Variants in MSI2 observed in about 807,000 individuals in gnomAD.
MSI2 encodes the protein RNA-binding protein Musashi homolog 2.
A neutral mutation model predicts 45.6 loss-of-function variants in MSI2; 17 were observed. The observed-to-expected ratio is 0.37, with a 90% CI of 0.26 to 0.56. MSI2 has a LOEUF of 0.56. MSI2 is among the 20% of genes least tolerant of loss of function. The probability of loss-of-function intolerance (pLI) is 0.77; values close to 1 mark genes in which losing one functional copy is unlikely to be tolerated. For missense variants in MSI2, 293 were observed against 444.2 expected (o/e 0.66, Z 3.06); for synonymous variants, 156 against 158.2 (o/e 0.99, Z 0.11).
At chr17:57,541,414 A>G (rs753361117) in intron 7 of MSI2, among the ~76,000 whole-genome samples, 1 of 152,204 alleles carries the variant, frequency 6.6e-6, no homozygotes, top group Non-Finnish European at 1.5e-5. Flanking sequence ...AGGAGAGCTC[A>G]TGTGTATGAC....
At chr17:57,657,493 G>A (rs1028789366) in intron 11 of MSI2, among the ~76,000 whole-genome samples, 1 of 152,218 alleles carries the variant, frequency 6.6e-6, no homozygotes, top group African/African-American at 2.4e-5. Flanking sequence ...GGTTCTGCTA[G>A]GAAAATGGCT....
chr17:57,541,913 C>T (rs537057754), intron 7 of MSI2, among the ~76,000 whole-genome samples: 7 of 152,268 alleles, frequency 4.6e-5, no homozygotes, highest in African/African-American at 1.4e-4. Context: ...AGCGTTGGTG[C>T]CTGCGTTCTA....
chr17:57,646,768 G>A (rs554550625), intron 10 of MSI2, among the ~76,000 whole-genome samples: 71 of 152,288 alleles, frequency 4.7e-4, no homozygotes, highest in Admixed American at 1.1e-3. Context: ...CCCACAAGCC[G>A]TGGCCCCTGT....
chr17:57,653,511 G>A (rs533533255), intron 11 of MSI2, among the ~76,000 whole-genome samples: 64 of 152,300 alleles, frequency 4.2e-4, no homozygotes, highest in African/African-American at 1.2e-3. Flanking sequence ...GGGGCGGGGT[G>A]CACAGCTGCC....
chr17:57,519,236 C>T (rs1331956106), intron 6 of MSI2, among the ~76,000 whole-genome samples: 1 of 152,202 alleles, frequency 6.6e-6, no homozygotes, highest in African/African-American at 2.4e-5. Context: ...GTGTGGCTCC[C>T]GGCTTAACTG....
At chr17:57,594,296 A>G (rs1462864414) in intron 7 of MSI2, among the ~76,000 whole-genome samples, 2 of 152,110 alleles carry the variant, frequency 1.3e-5, no homozygotes, top group African/African-American at 2.4e-5. Flanking sequence ...GGGGCCAGTT[A>G]GGATCTGGGC....
chr17:57,447,914 C>G (rs533050919), intron 6 of MSI2, among the ~76,000 whole-genome samples: 184 of 152,322 alleles, frequency 1.2e-3, no homozygotes, highest in Non-Finnish European at 2.2e-3. Flanking sequence ...TTCTTGATAT[C>G]TGTGGAAGCC....
intron 6 of MSI2, among the ~76,000 whole-genome samples, chr17:57,484,005 G>A (rs374603272): frequency 4.6e-5 from 7 of 152,322 alleles, no homozygotes; most frequent in East Asian, 3.9e-4. Context: ...GTTTGGAACC[G>A]AGAGCTGGTT....
At chr17:57,374,032 A>T (rs928671560) in intron 5 of MSI2, among the ~76,000 whole-genome samples, 2 of 152,156 alleles carry the variant, frequency 1.3e-5, no homozygotes, top group African/African-American at 4.8e-5. Flanking sequence ...AACAGATCAA[A>T]TGATAAGAAA....
chr17:57,699,894 T>C, the MSI2 span, among the ~76,000 whole-genome samples: 1 of 152,304 alleles, frequency 6.6e-6, no homozygotes, highest in South Asian at 2.1e-4. Context: ...GACACATCAG[T>C]GGGCACTCTC....
At chr17:57,467,036 C>G (rs2085342661) in intron 6 of MSI2, among the ~76,000 whole-genome samples, 1 of 152,194 alleles carries the variant, frequency 6.6e-6, no homozygotes, top group South Asian at 2.1e-4. Flanking sequence ...TATGTGGAGT[C>G]ACTGTGTATC....
intron 5 of MSI2, among the ~76,000 whole-genome samples, chr17:57,289,953 C>A (rs970451796): frequency 6.6e-6 from 1 of 152,228 alleles, no homozygotes; most frequent in Non-Finnish European, 1.5e-5. Context: ...GAAGCGGAGC[C>A]CATGATGTCT....
chr17:57,339,324 C>T (rs577153186), intron 5 of MSI2, among the ~76,000 whole-genome samples: 8 of 152,184 alleles, frequency 5.3e-5, no homozygotes, highest in African/African-American at 9.7e-5. Context: ...AAAGCCAACT[C>T]GGTTTCCAAG....
chr17:57,591,537 A>C (rs1219418481), intron 7 of MSI2, among the ~76,000 whole-genome samples: 2 of 151,866 alleles, frequency 1.3e-5, no homozygotes, highest in African/African-American at 4.8e-5. Context: ...CAGCCTGGGT[A>C]ACATGGTGAA....
At chr17:57,281,994 T>C (rs1344770055) in intron 5 of MSI2, among the ~76,000 whole-genome samples, 3 of 152,218 alleles carry the variant, frequency 2.0e-5, no homozygotes, top group African/African-American at 7.2e-5. Context: ...TGGCTGAGGA[T>C]GTCAACATTT....
chr17:57,372,661 A>T (rs1218599796), intron 5 of MSI2, among the ~76,000 whole-genome samples: 1 of 152,214 alleles, frequency 6.6e-6, no homozygotes, highest in Non-Finnish European at 1.5e-5. Flanking sequence ...TGCTGTAAAA[A>T]ATATAAATGA....
intron 5 of MSI2, among the ~76,000 whole-genome samples, chr17:57,353,546 C>G (rs1017112549): frequency 6.6e-6 from 1 of 152,124 alleles, no homozygotes; most frequent in Non-Finnish European, 1.5e-5. Context: ...ACTCTTATTT[C>G]CTTTGTTATT....
chr17:57,334,511 T>C (rs915507021), intron 5 of MSI2, among the ~76,000 whole-genome samples: 8 of 152,106 alleles, frequency 5.3e-5, no homozygotes, highest in Non-Finnish European at 1.2e-4. Flanking sequence ...ATGCTTCCTC[T>C]GGCCGGGTGC....
intron 5 of MSI2, among the ~76,000 whole-genome samples, chr17:57,378,429 A>G (rs555585872): frequency 7.9e-5 from 12 of 151,836 alleles, no homozygotes; most frequent in Admixed American, 2.6e-4. Flanking sequence ...ACACCCAGCT[A>G]ATTTTTCTAT....
Sources: gnomAD v4.1 joint callset for allele counts (sites outside exome capture counted in the v4.1 genomes callset) on GRCh38, gnomAD v4.1.1 for gene constraint, MANE v1.5 for transcripts, NCBI Gene and HGNC (gene_info 2026-07-23, HGNC 2026-07-21) for gene names.